DLGAP2: variants seen among roughly 807,000 people sequenced by gnomAD.
The protein encoded by DLGAP2 is DLG associated protein 2, also known as disks large-associated protein 2.
A neutral mutation model predicts 100.3 loss-of-function variants in DLGAP2; 26 were observed. The observed-to-expected ratio is 0.26, with a 90% CI of 0.19 to 0.36. DLGAP2 has a LOEUF of 0.36. DLGAP2 is among the 10% of genes least tolerant of loss of function. The probability of loss-of-function intolerance (pLI) is 1.00; values close to 1 mark genes in which losing one functional copy is unlikely to be tolerated. For missense variants in DLGAP2, 1,858 were observed against 1,453.2 expected, an observed-to-expected ratio of 1.28 and a Z score of -4.53; for synonymous variants, 886 against 630.1, an observed-to-expected ratio of 1.41 and a Z score of -6.08.
intron 5 of DLGAP2, chr8:1,565,383 A>G (rs1190232226): frequency 3.2e-6 from 1 of 310,654 alleles, no homozygotes; most frequent in Non-Finnish European, 5.8e-6. Flanking sequence ...ATAAAACTAA[A>G]TTTTAGCCAG....
chr8:1,489,747 G>T (rs569529975), intron 3 of DLGAP2, among the ~76,000 whole-genome samples: 1 of 152,144 alleles, frequency 6.6e-6, no homozygotes, highest in Non-Finnish European at 1.5e-5. Context: ...ATCACAAACC[G>T]CATCGAGTTT....
At chr8:1,682,440 A>C (rs941683217) in intron 12 of DLGAP2, among the ~76,000 whole-genome samples, 1 of 152,106 alleles carries the variant, frequency 6.6e-6, no homozygotes, top group African/African-American at 2.4e-5. Context: ...ATAGGGACCC[A>C]AATCAACAGT....
intron 3 of DLGAP2, chr8:1,259,861 G>A (rs1474732186): frequency 6.6e-6 from 1 of 152,216 alleles, no homozygotes; most frequent in Non-Finnish European, 1.5e-5. Flanking sequence ...TCCCTTATTT[G>A]GTGGTTAAGG....
At chr8:1,082,374 A>T (rs936975187) in intron 2 of DLGAP2, among the ~76,000 whole-genome samples, 1 of 152,348 alleles carries the variant, frequency 6.6e-6, no homozygotes, top group East Asian at 1.9e-4. Flanking sequence ...TTTTAAAAAA[A>T]TCACCTTTTC....
At chr8:1,169,139 A>G (rs1797076055) in intron 2 of DLGAP2, among the ~76,000 whole-genome samples, 1 of 151,230 alleles carries the variant, frequency 6.6e-6, no homozygotes, top group African/African-American at 2.4e-5. Flanking sequence ...TAAATAGGGA[A>G]TCCTTTCCCC....
At chr8:1,386,791 A>T (rs1473373579) in intron 3 of DLGAP2, among the ~76,000 whole-genome samples, 3 of 152,174 alleles carry the variant, frequency 2.0e-5, no homozygotes, top group African/African-American at 7.2e-5. Context: ...AGATCCAAAG[A>T]AAAAAAGGAT....
chr8:1,495,069 G>A (rs994715848), intron 3 of DLGAP2, among the ~76,000 whole-genome samples: 1 of 152,150 alleles, frequency 6.6e-6, no homozygotes, highest in African/African-American at 2.4e-5. Flanking sequence ...TGCCAGGACC[G>A]ACACCAGGTG....
chr8:1,365,037 G>A (rs1802077650), intron 3 of DLGAP2, among the ~76,000 whole-genome samples: 1 of 152,200 alleles, frequency 6.6e-6, no homozygotes, highest in South Asian at 2.1e-4. Context: ...GGAAGAGCCT[G>A]GCAGAAGATT....
chr8:765,580 A>T (rs1193465773), intron 1 of DLGAP2, among the ~76,000 whole-genome samples: 1 of 152,178 alleles, frequency 6.6e-6, no homozygotes, highest in Non-Finnish European at 1.5e-5. Flanking sequence ...TATATTGAAA[A>T]CAGCACCCCA....
At chr8:1,522,120 G>C (rs1326439414) in intron 4 of DLGAP2, among the ~76,000 whole-genome samples, 2 of 152,064 alleles carry the variant, frequency 1.3e-5, no homozygotes. Context: ...TTTTAATTTG[G>C]AATCCTCGGG....
chr8:1,257,105 C>T (rs983959002), intron 2 of DLGAP2, among the ~76,000 whole-genome samples: 2 of 152,180 alleles, frequency 1.3e-5, no homozygotes. Context: ...CACCCCGAGG[C>T]GTGTGGGTCT....
chr8:1,290,498 C>T (rs538476736), intron 3 of DLGAP2, among the ~76,000 whole-genome samples: 1 of 152,288 alleles, frequency 6.6e-6, no homozygotes, highest in South Asian at 2.1e-4. Context: ...ATATAAGGCT[C>T]TAAACCCTTT....
intron 3 of DLGAP2, among the ~76,000 whole-genome samples, chr8:1,322,593 T>C (rs74543343): frequency 6.6e-6 from 1 of 152,126 alleles, no homozygotes; most frequent in Non-Finnish European, 1.5e-5. Flanking sequence ...TGGAAATGTG[T>C]GCGCCCACCT....
intron 2 of DLGAP2, among the ~76,000 whole-genome samples, chr8:1,174,506 G>A (rs1490581382): frequency 1.3e-5 from 2 of 149,194 alleles, no homozygotes; most frequent in Non-Finnish European, 3.0e-5. Flanking sequence ...CATCATCAAA[G>A]TCATTATCAC....
At chr8:1,661,060 C>T (rs1259327499) in intron 8 of DLGAP2, among the ~76,000 whole-genome samples, 8 of 152,210 alleles carry the variant, frequency 5.3e-5, no homozygotes, top group African/African-American at 1.9e-4. Flanking sequence ...GGGGACAAAT[C>T]CATGTAAAGA....
chr8:900,767 T>C (rs1291306447), intron 1 of DLGAP2, among the ~76,000 whole-genome samples: 1 of 152,134 alleles, frequency 6.6e-6, no homozygotes, highest in Non-Finnish European at 1.5e-5. Context: ...GCTGAGATAT[T>C]CACTGAAGGA....
intron 3 of DLGAP2, among the ~76,000 whole-genome samples, chr8:1,371,830 C>A (rs985689409): frequency 1.3e-5 from 2 of 152,158 alleles, no homozygotes; most frequent in Non-Finnish European, 2.9e-5. Context: ...TGGAAGTGGG[C>A]TTGACTATTC....
intron 2 of DLGAP2, among the ~76,000 whole-genome samples, chr8:1,011,943 G>A (rs1801301793): frequency 6.6e-6 from 1 of 152,210 alleles, no homozygotes; most frequent in Non-Finnish European, 1.5e-5. Context: ...CTCCACCTGG[G>A]CGTGTAGACG....
chr8:1,011,119 C>T (rs1348029412), intron 2 of DLGAP2, among the ~76,000 whole-genome samples: 1 of 151,552 alleles, frequency 6.6e-6, no homozygotes, highest in Non-Finnish European at 1.5e-5. Flanking sequence ...ACAGTGAGCC[C>T]GGGCGAAGGG....
Sources: allele counts gnomAD v4.1 joint callset (sites outside exome capture counted in the v4.1 genomes callset), GRCh38; gene constraint gnomAD v4.1.1; transcripts MANE v1.5; gene names NCBI Gene and HGNC (gene_info 2026-07-23, HGNC 2026-07-21).